ITIH3: variants seen among roughly 807,000 people sequenced by gnomAD.
The protein encoded by ITIH3 is inter-alpha-trypsin inhibitor heavy chain H3.
In ITIH3, 81 loss-of-function variants were observed where a neutral mutation model predicts 96.5. The ratio of observed to expected loss-of-function variants is 0.84; its 90% CI spans 0.70 to 1.01. The LOEUF is 1.01. ITIH3 is among the 50% of genes least tolerant of loss of function. The pLI, the probability that ITIH3 is intolerant of heterozygous loss-of-function variation, is 0.00. For missense variants in ITIH3, 1,057 were observed against 1,139.3 expected (o/e 0.93, Z 1.04); for synonymous variants, 422 against 445.2 (o/e 0.95, Z 0.66).
intron 7 of ITIH3, 77 bp downstream of exon 7, chr3:52,799,168 A>T (rs1699711715): frequency 7.1e-6 from 11 of 1,546,384 alleles, no homozygotes; most frequent in Non-Finnish European, 9.7e-6. Context: ...ATCTAGTGCC[A>T]TCACCCTGGG....
Position 52,808,781 on chromosome 3 carries a change from G to T in ITIH3, c.*100G>T. 3 of 1,457,702 alleles carry T rather than the reference G, an allele frequency of 2.1e-6. No individual in the cohort carries two copies. The South Asian group carries it at 3.6e-5, about 18-fold the overall frequency. 90.3% of individuals were successfully genotyped at this position (1,457,702 alleles called of 1,614,324 possible). A position where few individuals can be genotyped will look rare whatever the true frequency, so the allele number is the denominator to read the frequency against. ...CTGTGGGAGGGGCTGGGAAAATAAA[G>T]TCCAAGGTCGAGACCAGACAGCTGC... On this transcript the variant is annotated 3_prime_UTR_variant, in exon 22 of 22. Transcript: ENST00000449956.
chr3:52,803,102 G>A (rs1345549273), intron 13 of ITIH3, among the ~76,000 whole-genome samples: 1 of 152,108 alleles, frequency 6.6e-6, no homozygotes, highest in Admixed American at 6.5e-5. Flanking sequence ...GGAACTGAAG[G>A]CCGGGATCCC....
chr3:52,802,228 T>C (rs2154109853), intron 11 of ITIH3, 106 bp from the exon 12 acceptor site: 2 of 1,168,236 alleles, frequency 1.7e-6, no homozygotes, highest in South Asian at 1.5e-5. Context: ...GAGTGAACAT[T>C]AGGAGCCATT....
intron 5 of ITIH3, 99 bp from the exon 6 acceptor site, chr3:52,797,718 C>T: frequency 1.4e-6 from 1 of 733,636 alleles, no homozygotes. Flanking sequence ...CCTAGAGGGT[C>T]CCTGCATCAC....
In ITIH3 at chr3:52,804,858, G is replaced by C. The variant is rs1312099992; in HGVS notation, c.1873+124G>C. 5 of 1,073,090 alleles carry C rather than the reference G, an allele frequency of 4.7e-6. No individual in the cohort carries two copies. In the African/African-American group the frequency reaches 8.0e-5, roughly 17 times the overall value. The allele number at this position is 1,073,090 out of a possible 1,614,324, so 66.5% of individuals were successfully genotyped here. On this transcript the variant is annotated intron_variant, in intron 15 of 21. Transcript: ENST00000449956. Reference sequence around the variant, plus strand: ...GGCACACTTGGGACACCTGGGCTCAGGCCCAGCCCTATTGCCAAATCATGA... The same window carrying C: ...GGCACACTTGGGACACCTGGGCTCACGCCCAGCCCTATTGCCAAATCATGA...
chr3:52,808,790 C>A lies in ITIH3; in HGVS notation c.*109C>A. 1.5e-6 allele frequency: 2 copies of A among 1,344,688 alleles called. No homozygotes were observed. The highest frequency in any genetic ancestry group is 1.3e-5 in the South Asian group (1 of 75,998). The allele number at this position is 1,344,688 out of a possible 1,614,324, so 83.3% of individuals were successfully genotyped here. On this transcript the variant is annotated 3_prime_UTR_variant, in exon 22 of 22. Transcript: ENST00000449956. Reference sequence around the variant, plus strand: ...GGGCTGGGAAAATAAAGTCCAAGGTCGAGACCAGACAGCTGCCAGCCTCTA... The same window carrying A: ...GGGCTGGGAAAATAAAGTCCAAGGTAGAGACCAGACAGCTGCCAGCCTCTA...
At chr3:52,800,920 T>G (rs757947202) in intron 10 of ITIH3, 45 bp from the exon 11 acceptor site, 4 of 1,607,702 alleles carry the variant, frequency 2.5e-6, no homozygotes, top group Non-Finnish European at 3.4e-6. Context: ...GTCTAGACCA[T>G]CCCCAGGGCT....
At chr3:52,799,308 C>A (rs910337229) in intron 7 of ITIH3, 64 bp from the exon 8 acceptor site, 2 of 1,312,802 alleles carry the variant, frequency 1.5e-6, no homozygotes, top group Middle Eastern at 2.4e-4. Context: ...CTTCTACCTG[C>A]AAGAATAGTC....
At chr3:52,802,178 G>A (rs1001662652) in intron 11 of ITIH3, 156 bp from the exon 12 acceptor site, 8 of 675,106 alleles carry the variant, frequency 1.2e-5, no homozygotes, top group East Asian at 2.8e-5. Context: ...TTGCCGGGGG[G>A]AGGCCCCCAC....
At chr3:52,799,142 C>T (rs887634456) in intron 7 of ITIH3, 51 bp downstream of exon 7, 8 of 1,598,110 alleles carry the variant, frequency 5.0e-6, no homozygotes, top group Non-Finnish European at 6.8e-6. Flanking sequence ...GCTGGTCGGG[C>T]GGGGGCTGCA....
chr3:52,803,472 C>T (rs1699922951), intron 13 of ITIH3, among the ~76,000 whole-genome samples: 1 of 151,920 alleles, frequency 6.6e-6, no homozygotes, highest in Admixed American at 6.6e-5. Context: ...GCATGCACCA[C>T]CATGCCTGGC....
rs374829447 is a variant in ITIH3, at chr3:52,808,579, T to G, written c.2571T>G (p.Asp857Glu). The G allele has an allele frequency of 6.2e-7, 1 of 1,613,872 alleles. No individual in the cohort carries two copies. The highest frequency in any genetic ancestry group is 1.3e-5 in the African/African-American group (1 of 74,906). Residue 857 changes from aspartate (D) to glutamate (E), a missense_variant, in exon 22 of 22, where the codon GAT becomes GAG. By Grantham distance (45) the Asp-to-Glu change is conservative (BLOSUM62 2). Coordinates refer to ENST00000449956, the MANE Select transcript of ITIH3 (RefSeq NM_002217.4). ...GCTCCCAGAAAGACTACAGAAAGGA[T>G]GCCAGCATCGGCACGAAGGTTGTCT... ...TRGSQKDYRK[D>E]ASIGTKVVCW...
At chr3:52,800,856 C>A in intron 10 of ITIH3, 109 bp from the exon 11 acceptor site, 1 of 1,508,008 alleles carries the variant, frequency 6.6e-7, no homozygotes, top group Non-Finnish European at 9.0e-7. Flanking sequence ...GGCTCATGGT[C>A]GTGACTCCAG....
rs1699793694 is a variant in ITIH3, at chr3:52,800,627, A to G, written c.1165A>G (p.Ile389Val). Reference sequence around the variant, plus strand: ...CAGAATCCCAGAGAGGAGCACCTCCATTGTCATCATGCTGACTGATGGGGA... The same window carrying G: ...CAGAATCCCAGAGAGGAGCACCTCCGTTGTCATCATGCTGACTGATGGGGA... ...EHRIPERSTS[I>V]VIMLTDGDAN... The change falls in exon 10 of 22, where the codon ATT (isoleucine) becomes GTT (valine). Residue 389 changes from isoleucine to valine, a missense_variant. By Grantham distance (29) the Ile-to-Val change is conservative. Coordinates refer to ENST00000449956, the MANE Select transcript of ITIH3 (RefSeq NM_002217.4). The G allele has an allele frequency of 1.3e-6, 2 of 1,590,500 alleles. No homozygotes were observed. The highest frequency in any genetic ancestry group is 1.2e-5 in the South Asian group (1 of 86,874).
chr3:52,803,121 G>C (rs1297501544), intron 13 of ITIH3, among the ~76,000 whole-genome samples: 1 of 152,210 alleles, frequency 6.6e-6, no homozygotes, highest in Non-Finnish European at 1.5e-5. Context: ...CCAGCCCTCA[G>C]TGCCCAGAGG....
chr3:52,796,011 A>T, intron 2 of ITIH3: 1 of 249,896 alleles, frequency 4.0e-6, no homozygotes, highest in South Asian at 9.3e-5. Flanking sequence ...TATTGGAAAG[A>T]GGGTGTTTGG....
intron 13 of ITIH3, among the ~76,000 whole-genome samples, chr3:52,803,311 ATTTTATTATTATTATTTTTTT>A (rs1245694559): frequency 0.02 from 2,531 of 125,574 alleles, 82 homozygotes; most frequent in African/African-American, 0.1. Context: ...TATTTATTTT[ATTTTATTATTATTATTTTTTT>A]TTTTGAGACG....
rs955021731 is a variant in ITIH3, at chr3:52,802,655, C to G, written c.1570-12C>G. The stretch of plus-strand genomic sequence containing the variant: ...GCCTCCAGCCCCTTGCCTCCTTCTA[C>G]CCCCACCCTAGGCCACCAACGACCT... On this transcript the variant is annotated splice_polypyrimidine_tract_variant and intron_variant, in intron 12 of 21. Transcript: ENST00000449956. 1.2e-6 allele frequency: 2 copies of G among 1,613,816 alleles called. No homozygotes were observed.
intron 1 of ITIH3, 29 bp downstream of exon 1, chr3:52,794,925 G>A (rs756489463): frequency 4.0e-5 from 63 of 1,568,696 alleles, no homozygotes; most frequent in East Asian, 6.7e-5. Flanking sequence ...TGCCATCTGG[G>A]TCTTGGTGTG....
Sources: gnomAD v4.1 joint callset for allele counts (sites outside exome capture counted in the v4.1 genomes callset) on GRCh38, gnomAD v4.1.1 for gene constraint, MANE v1.5 for transcripts, NCBI Gene and HGNC (gene_info 2026-07-23, HGNC 2026-07-21) for gene names.